SSH2: variants seen among roughly 807,000 people sequenced by gnomAD.
SSH2 encodes the protein protein phosphatase Slingshot homolog 2.
In SSH2, 37 loss-of-function variants were observed where a neutral mutation model predicts 135.2. That is an observed-to-expected ratio of 0.27 (90% CI 0.21 to 0.36). The LOEUF (loss-of-function observed/expected upper bound fraction) is 0.36. SSH2 is among the 10% of genes least tolerant of loss of function. The probability of loss-of-function intolerance (pLI) is 1.00; values close to 1 mark genes in which losing one functional copy is unlikely to be tolerated. For missense variants in SSH2, 1,408 were observed against 1,765.3 expected, an observed-to-expected ratio of 0.80 and a Z score of 3.63; for synonymous variants, 628 against 646.2, an observed-to-expected ratio of 0.97 and a Z score of 0.43.
intron 1 of SSH2, chr17:29,856,243 T>G: frequency 3.3e-6 from 1 of 305,894 alleles, no homozygotes; most frequent in South Asian, 2.9e-5. Context: ...GATTTAGCAA[T>G]CCACAACAGT....
chr17:29,690,362 G>A (rs751617527), intron 5 of SSH2, among the ~76,000 whole-genome samples: 2 of 146,826 alleles, frequency 1.4e-5, no homozygotes, highest in East Asian at 4.0e-4. Flanking sequence ...CCAAGATTGC[G>A]CCATTGTACT....
At chr17:29,659,118 T>C (rs909063264) in intron 11 of SSH2, among the ~76,000 whole-genome samples, 3 of 152,198 alleles carry the variant, frequency 2.0e-5, no homozygotes, top group African/African-American at 7.2e-5. Flanking sequence ...CCACTAAATG[T>C]AACAGTTCAT....
chr17:29,770,576 G>A (rs550281745), intron 3 of SSH2, among the ~76,000 whole-genome samples: 49 of 151,702 alleles, frequency 3.2e-4, no homozygotes, highest in Admixed American at 9.2e-4. Flanking sequence ...AGGTTCAAGC[G>A]ATTCTCATAC....
chr17:29,928,829 A>G (rs189390482), intron 1 of SSH2, among the ~76,000 whole-genome samples: 3 of 152,298 alleles, frequency 2.0e-5, no homozygotes, highest in Non-Finnish European at 4.4e-5. Flanking sequence ...TACAGTGGAA[A>G]GTGGTACAGT....
intron 1 of SSH2, 21 bp downstream of exon 1, chr17:29,929,917 C>A (rs369553394): frequency 6.3e-7 from 1 of 1,578,938 alleles, no homozygotes; most frequent in Non-Finnish European, 8.6e-7. Flanking sequence ...GCAAGCGGAG[C>A]GGCCGCCAGG....
chr17:29,631,042 C>T lies in SSH2; in HGVS notation c.4152G>A (p.Leu1384=), dbSNP rs2035642273. 15 of 1,614,212 alleles carry T rather than the reference C, an allele frequency of 9.3e-6. No individual in the cohort carries two copies. Among genetic ancestry groups the T allele is most frequent in the Non-Finnish European group, 1.3e-5 (15 of 1,180,042 alleles). ...TCAATTCAAGTCCTGCCCTGGGGAG[C>T]AAATACTGCTGACTAGAACCAAATT... The part of the protein sequence containing the change: ...AKEFGSSQQY[L]LPRAGLELTS... Residue 1384 remains leucine (L), a synonymous_variant, in exon 16 of 16, where the codon TTG becomes TTA. Transcript: ENST00000540801.
chr17:29,642,684 G>C (rs1469578958), intron 14 of SSH2, among the ~76,000 whole-genome samples: 1 of 151,876 alleles, frequency 6.6e-6, no homozygotes, highest in African/African-American at 2.4e-5. Context: ...AGGTCTAAAG[G>C]GAAATATTAA....
At chr17:29,899,191 T>G (rs1206150008) in intron 1 of SSH2, among the ~76,000 whole-genome samples, 1 of 151,516 alleles carries the variant, frequency 6.6e-6, no homozygotes, top group Non-Finnish European at 1.5e-5. Context: ...GGGCAAAAAC[T>G]GGAAGCATTC....
intron 1 of SSH2, among the ~76,000 whole-genome samples, chr17:29,887,727 T>C (rs1030534197): frequency 1.3e-5 from 2 of 152,188 alleles, no homozygotes; most frequent in Non-Finnish European, 2.9e-5. Flanking sequence ...GTCATCATAG[T>C]AGAGGGAACA....
At chr17:29,657,338 C>A (rs891696091) in intron 11 of SSH2, among the ~76,000 whole-genome samples, 2 of 150,106 alleles carry the variant, frequency 1.3e-5, no homozygotes, top group Non-Finnish European at 3.0e-5. Flanking sequence ...GGCACAATCT[C>A]GGCTCACTGC....
chr17:29,786,310 G>C (rs1382880339), intron 3 of SSH2, among the ~76,000 whole-genome samples: 2 of 152,152 alleles, frequency 1.3e-5, no homozygotes, highest in East Asian at 1.9e-4. Flanking sequence ...GTGGAGCTTC[G>C]GGAAGTTCGC....
At chr17:29,767,084 C>G (rs967632089) in intron 3 of SSH2, among the ~76,000 whole-genome samples, 3 of 152,182 alleles carry the variant, frequency 2.0e-5, no homozygotes. Flanking sequence ...CCTTTATAGT[C>G]TTTTCCATGG....
intron 2 of SSH2, among the ~76,000 whole-genome samples, chr17:29,807,672 T>A (rs1269834173): frequency 2.6e-5 from 4 of 152,028 alleles, no homozygotes; most frequent in Admixed American, 2.6e-4. Context: ...CATCTTGGAG[T>A]GGCAGTGAAC....
At chr17:29,740,882 G>C (rs2040531472) in intron 3 of SSH2, among the ~76,000 whole-genome samples, 1 of 152,074 alleles carries the variant, frequency 6.6e-6, no homozygotes, top group African/African-American at 2.4e-5. Context: ...CTTATCTTTT[G>C]GCTTTAAAAT....
At chr17:29,643,741 G>A (rs1358068740) in intron 14 of SSH2, among the ~76,000 whole-genome samples, 3 of 152,056 alleles carry the variant, frequency 2.0e-5, no homozygotes, top group African/African-American at 7.2e-5. Context: ...TGATCCACCC[G>A]CCTCGGCCTC....
chr17:29,832,621 T>G (rs1301695901), intron 2 of SSH2, among the ~76,000 whole-genome samples: 1 of 152,204 alleles, frequency 6.6e-6, no homozygotes, highest in African/African-American at 2.4e-5. Flanking sequence ...CTAGTTTTAT[T>G]CCATTGTGGT....
chr17:29,856,245 C>T, intron 1 of SSH2: 1 of 303,788 alleles, frequency 3.3e-6, no homozygotes, highest in South Asian at 3.0e-5. Context: ...TTTAGCAATC[C>T]ACAACAGTTA....
intron 1 of SSH2, among the ~76,000 whole-genome samples, chr17:29,905,154 A>C (rs1208725313): frequency 6.6e-6 from 1 of 152,214 alleles, no homozygotes; most frequent in African/African-American, 2.4e-5. Context: ...TTTAAAATTT[A>C]TATGGAACCA....
chr17:29,753,792 GAAA>G (rs58985020), intron 3 of SSH2, among the ~76,000 whole-genome samples: 10 of 120,088 alleles, frequency 8.3e-5, no homozygotes, highest in South Asian at 2.7e-4. Flanking sequence ...GACTCTGTCT[GAAA>G]AAAAAAAAAA....
Sources: allele counts gnomAD v4.1 joint callset (sites outside exome capture counted in the v4.1 genomes callset), GRCh38; gene constraint gnomAD v4.1.1; transcripts MANE v1.5; gene names NCBI Gene and HGNC (gene_info 2026-07-23, HGNC 2026-07-21).